Variants in VAT1L observed in about 807,000 individuals in gnomAD.
The protein encoded by VAT1L is vesicle amine transport 1 like, also known as putative NADPH-dependent quinone oxidoreductase VAT1L.
In VAT1L, 34 loss-of-function variants were observed where a neutral mutation model predicts 44.1. That is an observed-to-expected ratio of 0.77 (90% CI 0.59 to 1.03). The LOEUF is 1.03. VAT1L is among the 50% of genes least tolerant of loss of function. The pLI is 0.00. For synonymous variants in VAT1L, 253 were observed against 202.2 expected, an observed-to-expected ratio of 1.25 and a Z score of -2.13; for missense variants, 615 against 538.8, an observed-to-expected ratio of 1.14 and a Z score of -1.40.
At chr16:77,897,561 C>T (rs1398164752) in intron 7 of VAT1L, among the ~76,000 whole-genome samples, 2 of 152,186 alleles carry the variant, frequency 1.3e-5, no homozygotes, top group Non-Finnish European at 2.9e-5. Context: ...ACCTCTGCCT[C>T]CCAGGTTCAA....
At chr16:77,797,630 C>T (rs2015962254) in intron 1 of VAT1L, among the ~76,000 whole-genome samples, 1 of 152,144 alleles carries the variant, frequency 6.6e-6, no homozygotes, top group Non-Finnish European at 1.5e-5. Context: ...CTCTGGAGCA[C>T]TCTCATTCAA....
intron 7 of VAT1L, among the ~76,000 whole-genome samples, chr16:77,962,739 A>AAAAGGAAGGAAGGAAGGAAG (rs1567523608): frequency 7.7e-6 from 1 of 129,328 alleles, no homozygotes; most frequent in Non-Finnish European, 1.6e-5. Context: ...AAAGAAGGAA[A>AAAAGGAAGGAAGGAAGGAAG]GAAGGAAGGA....
At chr16:77,889,996 A>G (rs1434071421) in intron 7 of VAT1L, among the ~76,000 whole-genome samples, 1 of 152,172 alleles carries the variant, frequency 6.6e-6, no homozygotes, top group Non-Finnish European at 1.5e-5. Flanking sequence ...CTGAGGCAGG[A>G]GAATCGCTTG....
At chr16:77,832,994 C>A (rs1190424849) in intron 3 of VAT1L, among the ~76,000 whole-genome samples, 1 of 152,140 alleles carries the variant, frequency 6.6e-6, no homozygotes, top group African/African-American at 2.4e-5. Context: ...GAAAAGAAAA[C>A]CATCATTGAC....
chr16:77,800,483 G>C (rs1265343081), intron 1 of VAT1L: 2 of 152,124 alleles, frequency 1.3e-5, no homozygotes, highest in African/African-American at 4.8e-5. Flanking sequence ...TAGGTATCAG[G>C]CACCCCAAAC....
intron 2 of VAT1L, among the ~76,000 whole-genome samples, chr16:77,820,748 T>C (rs1342748322): frequency 6.6e-6 from 1 of 152,210 alleles, no homozygotes; most frequent in Non-Finnish European, 1.5e-5. Context: ...TTATTAGTCA[T>C]GAACTTCAAG....
chr16:77,865,810 G>T (rs1250304302), intron 4 of VAT1L, among the ~76,000 whole-genome samples: 1 of 152,140 alleles, frequency 6.6e-6, no homozygotes, highest in Admixed American at 6.5e-5. Flanking sequence ...AGGATGTGGG[G>T]AGTGGGAAGA....
At chr16:77,952,078 C>G (rs1422427023) in intron 7 of VAT1L, among the ~76,000 whole-genome samples, 3 of 152,182 alleles carry the variant, frequency 2.0e-5, no homozygotes, top group African/African-American at 7.2e-5. Context: ...CTTATCCTTC[C>G]CAGAGACTGG....
At chr16:77,953,612 C>G (rs1294887455) in intron 7 of VAT1L, among the ~76,000 whole-genome samples, 1 of 152,248 alleles carries the variant, frequency 6.6e-6, no homozygotes, top group East Asian at 1.9e-4. Flanking sequence ...GCAATCACAG[C>G]TCACTGCGGT....
intron 7 of VAT1L, among the ~76,000 whole-genome samples, chr16:77,933,804 G>A (rs551315303): frequency 1.7e-4 from 26 of 152,258 alleles, no homozygotes; most frequent in African/African-American, 6.3e-4. Flanking sequence ...GGAAGTGAAG[G>A]GGACAACAGT....
chr16:77,844,522 C>A (rs113794506), intron 3 of VAT1L, among the ~76,000 whole-genome samples: 246 of 152,250 alleles, frequency 1.6e-3, no homozygotes, highest in African/African-American at 4.9e-3. Context: ...GATTCTCCCC[C>A]CTTAGCCTCC....
intron 7 of VAT1L, among the ~76,000 whole-genome samples, chr16:77,904,570 T>G (rs1253648898): frequency 2.6e-5 from 4 of 152,208 alleles, no homozygotes; most frequent in Non-Finnish European, 4.4e-5. Flanking sequence ...CCTGCCGTTA[T>G]GACCTCATCT....
At chr16:77,892,454 G>C (rs1417085860) in intron 7 of VAT1L, 1 of 500,746 alleles carries the variant, frequency 2.0e-6, no homozygotes, top group South Asian at 1.6e-5. Context: ...GGGGTTGACA[G>C]TGCGGTTGAT....
chr16:77,937,030 G>A (rs2017807891), intron 7 of VAT1L, among the ~76,000 whole-genome samples: 1 of 152,146 alleles, frequency 6.6e-6, no homozygotes, highest in Non-Finnish European at 1.5e-5. Flanking sequence ...GATTACAGGT[G>A]CATGCCACCA....
intron 5 of VAT1L, among the ~76,000 whole-genome samples, chr16:77,878,919 T>C (rs995711000): frequency 4.6e-5 from 7 of 152,214 alleles, no homozygotes; most frequent in South Asian, 2.1e-4. Context: ...ATTTTTGCTA[T>C]ATGCCAAATT....
intron 7 of VAT1L, among the ~76,000 whole-genome samples, chr16:77,963,741 C>T (rs2018189942): frequency 1.3e-5 from 2 of 151,850 alleles, no homozygotes; most frequent in Admixed American, 1.3e-4. Context: ...ACAGTACAGG[C>T]TGGGTCCTCA....
chr16:77,949,369 G>C (rs1333703681), intron 7 of VAT1L, among the ~76,000 whole-genome samples: 2 of 152,096 alleles, frequency 1.3e-5, no homozygotes, highest in Admixed American at 1.3e-4. Flanking sequence ...ATGATCTCTG[G>C]GGTACTGACA....
rs1468130419 is a variant in VAT1L at position 77,979,022 on chromosome 16, C to G, written c.*1327C>G. 1 of 152,230 alleles carries G rather than the reference C, an allele frequency of 6.6e-6. No homozygotes were observed. Among genetic ancestry groups the G allele is most frequent in the Admixed American group, 6.5e-5 (1 of 15,288 alleles). The allele number at this position is 152,230 out of a possible 1,614,324, so 9.4% of individuals were successfully genotyped here. On this transcript the variant is annotated 3_prime_UTR_variant, in exon 9 of 9. Coordinates refer to ENST00000302536, the MANE Select transcript of VAT1L (RefSeq NM_020927.3). ...TTGATTCATACCCCAACTTTGTGTT[C>G]TGAAAAACATCAGAGGGATTTTACA...
chr16:77,953,189 C>A (rs191428513), intron 7 of VAT1L, among the ~76,000 whole-genome samples: 434 of 152,274 alleles, frequency 2.9e-3, no homozygotes, highest in African/African-American at 9.7e-3. Context: ...GGAAAAGATT[C>A]TTTCTCAGAA....
Sources: gnomAD v4.1 joint callset for allele counts (sites outside exome capture counted in the v4.1 genomes callset) on GRCh38, gnomAD v4.1.1 for gene constraint, MANE v1.5 for transcripts, NCBI Gene and HGNC (gene_info 2026-07-23, HGNC 2026-07-21) for gene names.